SBNO2: variants seen among roughly 807,000 people sequenced by gnomAD.
SBNO2 encodes the protein strawberry notch homolog 2, also known as protein strawberry notch homolog 2.
Under a neutral mutation model 146.3 loss-of-function variants are expected in SBNO2, and 89 were observed. The observed-to-expected ratio is 0.61, with a 90% CI of 0.51 to 0.73. The LOEUF is 0.73. Ranked by LOEUF, SBNO2 falls within the 30% of genes least tolerant of loss-of-function variation. SBNO2 has a pLI of 0.00. For synonymous variants in SBNO2, 1,147 were observed against 892.6 expected, an observed-to-expected ratio of 1.29 and a Z score of -5.08; for missense variants, 2,092 against 2,003.7, an observed-to-expected ratio of 1.04 and a Z score of -0.84.
intron 19 of SBNO2, 39 bp downstream of exon 19, chr19:1,113,496 G>A: frequency 1.3e-6 from 2 of 1,485,704 alleles, no homozygotes; most frequent in African/African-American, 1.4e-5. Context: ...CACTGCCCAT[G>A]CCCCGCCCAC....
At chr19:1,171,714 GT>G (rs1017566841) in intron 1 of SBNO2, among the ~76,000 whole-genome samples, 34 of 152,160 alleles carry the variant, frequency 2.2e-4, no homozygotes, top group African/African-American at 8.2e-4. Flanking sequence ...GCCCAAGCTG[GT>G]CACACCCCTC....
chr19:1,134,911 T>C (rs1158937747), intron 4 of SBNO2, among the ~76,000 whole-genome samples: 22 of 151,388 alleles, frequency 1.5e-4, no homozygotes, highest in Admixed American at 1.3e-3. Context: ...CCAGGTGTGG[T>C]GGTGGGTACC....
At position 1,108,929 on chromosome 19, in the gene SBNO2, G is replaced by C. The variant is rs768274415; in HGVS notation, c.3466C>G (p.Leu1156Val). 3 of 1,571,964 alleles carry C rather than the reference G, an allele frequency of 1.9e-6. No homozygotes were observed. Among genetic ancestry groups the C allele is most frequent in the African/African-American group, 2.7e-5 (2 of 74,078 alleles). ...TGGTGCCGCAGCCGCAGCCCCTGCAGGCAGTCCTTACCCTCCTGCGCCAGC... is the reference window on the plus strand; with the variant it reads ...TGGTGCCGCAGCCGCAGCCCCTGCACGCAGTCCTTACCCTCCTGCGCCAGC... ...CRLAQEGKDC[L>V]QGLRLRHHYM... Residue 1156 changes from leucine (L) to valine (V), a missense_variant, in exon 31 of 32, where the codon CTG (leucine) becomes GTG (valine). Physicochemically the swap from Leu to Val is conservative, Grantham distance 32 (BLOSUM62 1). Transcript: ENST00000361757.
chr19:1,151,711 G>C (rs1020579772), intron 2 of SBNO2, among the ~76,000 whole-genome samples: 8 of 152,306 alleles, frequency 5.3e-5, no homozygotes, highest in African/African-American at 1.9e-4. Flanking sequence ...CACCCAGGCT[G>C]AAGTGCAGTG....
intron 1 of SBNO2, 38 bp from the exon 2 acceptor site, chr19:1,154,440 G>A (rs1438188381): frequency 2.6e-6 from 1 of 391,670 alleles, no homozygotes; most frequent in Non-Finnish European, 4.5e-6. Flanking sequence ...GAGTCCAACG[G>A]TGGTGGAGAG....
At position 1,108,238 on chromosome 19, in the gene SBNO2, GC is replaced by G. The variant is rs1568543685; in HGVS notation, c.4082del (p.Gly1361AlafsTer24). ...AGGCGTGTCAGAGAGGAGCCTGGGCGCCGGGGAAGGGTGGGCTGAACTGGAT... is the reference window on the plus strand; with the variant it reads ...AGGCGTGTCAGAGAGGAGCCTGGGCGCGGGGAAGGGTGGGCTGAACTGGAT... ...SVIQFSPPFP[G>X]AQAPL On this transcript the variant is annotated frameshift_variant, in exon 32 of 32. Coordinates refer to ENST00000361757, the MANE Select transcript of SBNO2 (RefSeq NM_014963.3). LOFTEE classifies it high-confidence loss of function. 6.5e-7 allele frequency: 1 copy of G among 1,526,952 alleles called. No homozygotes were observed. The allele number at this position is 1,526,952 out of a possible 1,614,324, so 94.6% of individuals were successfully genotyped here. A position where few individuals can be genotyped will look rare whatever the true frequency, so the allele number is the denominator to read the frequency against.
At chr19:1,155,141 G>C (rs150651448) in intron 1 of SBNO2, 1 of 152,358 alleles carries the variant, frequency 6.6e-6, no homozygotes, top group Non-Finnish European at 1.5e-5. Flanking sequence ...CTTTCCAGGC[G>C]TCCGCCCAGC....
At chr19:1,113,098 G>A in intron 19 of SBNO2, 149 bp from the exon 20 acceptor site, 1 of 933,410 alleles carries the variant, frequency 1.1e-6, no homozygotes, top group South Asian at 1.7e-5. Context: ...GGGAGGGCGG[G>A]ACTGCTGGAC....
At chr19:1,118,765 G>C (rs972047873) in intron 14 of SBNO2, among the ~76,000 whole-genome samples, 5 of 152,136 alleles carry the variant, frequency 3.3e-5, no homozygotes, top group African/African-American at 9.7e-5. Flanking sequence ...CCAGCTACTC[G>C]AGAGGCTGAG....
rs1162008877 is a variant in SBNO2, at chr19:1,110,647, G to A, written c.3028+98C>T. 1.4e-5 allele frequency: 20 copies of A among 1,392,804 alleles called. No individual in the cohort carries two copies. The South Asian group carries it at 1.8e-4, about 13-fold the overall frequency. The allele number at this position is 1,392,804 out of a possible 1,614,324, so 86.3% of individuals were successfully genotyped here. A position where few individuals can be genotyped will look rare whatever the true frequency, so the allele number is the denominator to read the frequency against. On this transcript the variant is annotated intron_variant, in intron 26 of 31. Transcript: ENST00000361757. This position sits in a 1 kb window ranked among gnomAD's most constrained non-coding sequence, Gnocchi z 4.9. Reference sequence around the variant, plus strand: ...AGCCCCTCGCCCACCCGGGATGCCCGGTGTTCCCACGAGCCCCGAGCCCAC... The same window carrying A: ...AGCCCCTCGCCCACCCGGGATGCCCAGTGTTCCCACGAGCCCCGAGCCCAC...
chr19:1,117,025 C>A, intron 15 of SBNO2, 99 bp from the exon 16 acceptor site: 1 of 1,152,466 alleles, frequency 8.7e-7, no homozygotes. Flanking sequence ...ATCCCTCACT[C>A]TGCTGCTGTG....
chr19:1,123,611 T>G lies in SBNO2; in HGVS notation c.551A>C (p.Glu184Ala). The change falls in exon 7 of 32, where the codon GAG becomes GCG. Residue 184 changes from glutamate to alanine, a missense_variant. Transcript: ENST00000361757. The stretch of plus-strand genomic sequence containing the variant: ...CTCCTCCTCCTCAGCCTCGTCCTCC[T>G]CCTCTGGCTGGCTCTGCACACTCTG... ...QEQSVQSQPE[E>A]EDEAEEEEAE... 2 of 1,613,174 alleles carry G rather than the reference T, an allele frequency of 1.2e-6. No homozygotes were observed. Among genetic ancestry groups the G allele is most frequent in the Non-Finnish European group, 1.7e-6 (2 of 1,179,696 alleles).
At chr19:1,139,484 G>A (rs2080115433) in intron 4 of SBNO2, among the ~76,000 whole-genome samples, 1 of 151,768 alleles carries the variant, frequency 6.6e-6, no homozygotes, top group Non-Finnish European at 1.5e-5. Flanking sequence ...TTTCTGTCAC[G>A]TGAATTGAGT....
intron 1 of SBNO2, among the ~76,000 whole-genome samples, chr19:1,155,354 G>A (rs1300031047): frequency 6.6e-6 from 1 of 152,190 alleles, no homozygotes; most frequent in Non-Finnish European, 1.5e-5. Flanking sequence ...CGGGACTCCT[G>A]TCCCAGAGAC....
Position 1,127,718 on chromosome 19 carries a change from C to A in SBNO2, c.327G>T (p.Ser109=). 6.2e-7 allele frequency: 1 copy of A among 1,613,516 alleles called. No homozygotes were observed. The highest frequency in any genetic ancestry group is 8.5e-7 in the Non-Finnish European group (1 of 1,179,832). Residue 109 remains serine, a synonymous_variant, in exon 5 of 32, where the codon TCG becomes TCT. Transcript: ENST00000361757. ...EDFSNISIFS[S]SVDSLSDIVD... ...CGATGTCCGACAGGGAGTCCACGGA[C>A]GAGGAGAAGATGGAGATGTTGGAGA...
intron 3 of SBNO2, among the ~76,000 whole-genome samples, chr19:1,148,062 G>C (rs955250996): frequency 6.6e-6 from 1 of 151,988 alleles, no homozygotes; most frequent in Non-Finnish European, 1.5e-5. Flanking sequence ...CTTGGGAGAG[G>C]GGTGGCCGCC....
chr19:1,164,936 G>GAGGAGGAGGAGGAGGAAC (rs1273407934), intron 1 of SBNO2, among the ~76,000 whole-genome samples: 5 of 122,580 alleles, frequency 4.1e-5, no homozygotes, highest in South Asian at 2.7e-4. Flanking sequence ...GGAGGCACAG[G>GAGGAGGAGGAGGAGGAAC]AGGAGGAGGA....
intron 1 of SBNO2, chr19:1,155,134 TCCAGGCGTCCG>T (rs2080278525): frequency 6.6e-6 from 1 of 152,196 alleles, no homozygotes. Context: ...GGGAAAGCTT[TCCAGGCGTCCG>T]CCCAGCATGC....
At chr19:1,119,473 C>A in intron 13 of SBNO2, 43 bp downstream of exon 13, 1 of 1,424,762 alleles carries the variant, frequency 7.0e-7, no homozygotes, top group South Asian at 1.2e-5. Context: ...GGCCTCCTCC[C>A]CACCCCCCGC....
Sources: allele counts gnomAD v4.1 joint callset (sites outside exome capture counted in the v4.1 genomes callset), GRCh38; gene constraint gnomAD v4.1.1; non-coding constraint Gnocchi (gnomAD v3.1); transcripts MANE v1.5; gene names NCBI Gene and HGNC (gene_info 2026-07-23, HGNC 2026-07-21).